FTCDNL1: variants seen among roughly 807,000 people sequenced by gnomAD.
FTCDNL1 encodes formiminotransferase cyclodeaminase N-terminal like.
FTCDNL1 carries 11 observed loss-of-function variants against 5.9 expected under a neutral mutation model. That is an observed-to-expected ratio of 1.87 (90% confidence interval 1.18 to 3.10). The LOEUF (loss-of-function observed/expected upper bound fraction) is 3.10. Among genes scored for constraint, FTCDNL1 ranks in the 30% most tolerant of loss-of-function variants. The probability of loss-of-function intolerance (pLI) is 0.00; values close to 1 mark genes in which losing one functional copy is unlikely to be tolerated. For missense variants in FTCDNL1, 115 were observed against 65.5 expected (o/e 1.76, Z -2.61); for synonymous variants, 58 against 24.8 (o/e 2.34, Z -3.99).
At chr2:199,815,216 A>G (rs988276537) in intron 4 of FTCDNL1, among the ~76,000 whole-genome samples, 2 of 152,178 alleles carry the variant, frequency 1.3e-5, no homozygotes, top group South Asian at 2.1e-4. Flanking sequence ...GCCAACTACA[A>G]ACTTTTAAAA....
the FTCDNL1 span, among the ~76,000 whole-genome samples, chr2:199,735,660 T>A: frequency 2.0e-5 from 3 of 152,086 alleles, no homozygotes; most frequent in African/African-American, 7.2e-5. Flanking sequence ...GTAGAAGAGT[T>A]CTTCCTCGTC....
intron 2 of FTCDNL1, among the ~76,000 whole-genome samples, chr2:199,847,293 G>T (rs756172032): frequency 2.0e-5 from 3 of 151,794 alleles, no homozygotes; most frequent in Non-Finnish European, 4.4e-5. Flanking sequence ...AAAAAAAAAG[G>T]TTCATTTTCT....
At chr2:199,760,494 C>T (rs1698220511), downstream of FTCDNL1, 2 of 291,220 alleles carry the variant, frequency 6.9e-6, no homozygotes, top group South Asian at 5.7e-5. Flanking sequence ...CCTTTAACAC[C>T]TTGTATATAA....
At chr2:199,823,903 C>CT (rs1217692754) in intron 3 of FTCDNL1, among the ~76,000 whole-genome samples, 1 of 152,208 alleles carries the variant, frequency 6.6e-6, no homozygotes, top group Non-Finnish European at 1.5e-5. Context: ...CTATGAAACT[C>CT]CTAGATGGCC....
the FTCDNL1 span, among the ~76,000 whole-genome samples, chr2:199,748,277 C>T: frequency 1.3e-5 from 2 of 152,312 alleles, no homozygotes; most frequent in African/African-American, 2.4e-5. Context: ...CTGATGAAGT[C>T]ATCTCCCATA....
At chr2:199,685,864 G>A in the FTCDNL1 span, among the ~76,000 whole-genome samples, 1 of 152,178 alleles carries the variant, frequency 6.6e-6, no homozygotes, top group Admixed American at 6.5e-5. Flanking sequence ...CAAACCAATT[G>A]AAGAAACCAC....
In FTCDNL1 at chr2:199,781,810, C is replaced by T. The variant is rs181046978; in HGVS notation, c.212-20975G>A. ...GTTTGTTTGTTTTGAGAAGGAGTCTCGCTCTGTCGCCCAGGCTAGCATGCA... is the reference window on the plus strand; with the variant it reads ...GTTTGTTTGTTTTGAGAAGGAGTCTTGCTCTGTCGCCCAGGCTAGCATGCA... On this transcript the variant is annotated intron_variant, in intron 3 of 3. Transcript: ENST00000416668. Among the ~76,000 whole-genome samples, 1,148 of 152,110 alleles carry T rather than the reference C, an allele frequency of 7.5e-3. 5 individuals are homozygous for T. The highest frequency in any genetic ancestry group is 0.017 in the African/African-American group (692 of 41,472).
intron 3 of FTCDNL1, among the ~76,000 whole-genome samples, chr2:199,768,313 A>T: frequency 2.1e-5 from 1 of 48,648 alleles, no homozygotes; most frequent in Admixed American, 2.3e-4. Flanking sequence ...TGAGCTTCTT[A>T]TAAGAACACC....
At position 199,784,525 on chromosome 2, in the gene FTCDNL1, T is replaced by C. The variant is rs563901989; in HGVS notation, c.212-23690A>G. Among the ~76,000 whole-genome samples, 6 of 152,268 alleles carry C rather than the reference T, an allele frequency of 3.9e-5. No individual in the cohort carries two copies. In the East Asian group the frequency reaches 5.8e-4, roughly 15 times the overall value. ...CTGAGATTTGCATGCCAGAGGTTTA[T>C]TGGGGAGGACTCTCAAAAACAATAC... On this transcript the variant is annotated intron_variant, in intron 3 of 3. Transcript: ENST00000416668.
intron 3 of FTCDNL1, among the ~76,000 whole-genome samples, chr2:199,761,427 C>CA (rs1698266046): frequency 6.6e-6 from 1 of 152,182 alleles, no homozygotes; most frequent in Non-Finnish European, 1.5e-5. Context: ...ACAAAAAGAA[C>CA]AATCTTGCTT....
intron 3 of FTCDNL1, among the ~76,000 whole-genome samples, chr2:199,761,306 A>G (rs1269662452): frequency 1.3e-5 from 2 of 152,220 alleles, no homozygotes; most frequent in Non-Finnish European, 1.5e-5. Context: ...GGCAGAGGCG[A>G]TCTGCCATGG....
intron 3 of FTCDNL1, among the ~76,000 whole-genome samples, chr2:199,776,927 T>TATAC (rs745763683): frequency 4.1e-4 from 61 of 147,546 alleles, no homozygotes; most frequent in East Asian, 1.0e-3. Context: ...TATATATATA[T>TATAC]ACACACACAC....
At chr2:199,843,993 T>C (rs2076662514) in intron 3 of FTCDNL1, among the ~76,000 whole-genome samples, 2 of 151,334 alleles carry the variant, frequency 1.3e-5, no homozygotes, top group Admixed American at 1.3e-4. Context: ...AGAGTTAACA[T>C]TTAAGTGGAT....
At chr2:199,748,935 A>C in the FTCDNL1 span, among the ~76,000 whole-genome samples, 2 of 151,806 alleles carry the variant, frequency 1.3e-5, no homozygotes, top group Non-Finnish European at 2.9e-5. Context: ...TGCCTCCCAA[A>C]CCCTCTGGCC....
chr2:199,769,569 G>T (rs1432771751), intron 3 of FTCDNL1, among the ~76,000 whole-genome samples: 2 of 152,196 alleles, frequency 1.3e-5, no homozygotes, highest in East Asian at 1.9e-4. Context: ...AGCAGTGTGA[G>T]AACAGACTAA....
At chr2:199,762,600 G>T (rs1394008106) in intron 3 of FTCDNL1, among the ~76,000 whole-genome samples, 1 of 152,036 alleles carries the variant, frequency 6.6e-6, no homozygotes, top group Non-Finnish European at 1.5e-5. Flanking sequence ...TAGCACAAAT[G>T]GATATTTAAC....
chr2:199,782,050 T>C (rs951526118), intron 3 of FTCDNL1, among the ~76,000 whole-genome samples: 1 of 152,220 alleles, frequency 6.6e-6, no homozygotes, highest in African/African-American at 2.4e-5. Context: ...CCCAAAGTGC[T>C]GGAATTACAG....
At chr2:199,827,537 G>A (rs979240450) in intron 3 of FTCDNL1, among the ~76,000 whole-genome samples, 1 of 151,980 alleles carries the variant, frequency 6.6e-6, no homozygotes, top group South Asian at 2.1e-4. Context: ...GAAAATATTC[G>A]AATTGCTTAG....
At chr2:199,837,776 T>C (rs1702855952) in intron 3 of FTCDNL1, among the ~76,000 whole-genome samples, 1 of 152,200 alleles carries the variant, frequency 6.6e-6, no homozygotes, top group Non-Finnish European at 1.5e-5. Context: ...CACTATTTCT[T>C]TATTCATGTA....
Sources: allele counts gnomAD v4.1 joint callset (sites outside exome capture counted in the v4.1 genomes callset), GRCh38; gene constraint gnomAD v4.1.1; transcripts MANE v1.5; gene names NCBI Gene and HGNC (gene_info 2026-07-23, HGNC 2026-07-21).